MYO1E: variants seen among roughly 807,000 people sequenced by gnomAD.
MYO1E encodes the protein unconventional myosin-Ie.
In MYO1E, 68 loss-of-function variants were observed where a neutral mutation model predicts 151.1. The ratio of observed to expected loss-of-function variants is 0.45; its 90% confidence interval spans 0.37 to 0.55. The LOEUF is 0.55. MYO1E is among the 20% of genes least tolerant of loss of function. The pLI is 0.00. For synonymous variants in MYO1E, 601 were observed against 501.7 expected, an observed-to-expected ratio of 1.20 and a Z score of -2.64; for missense variants, 1,363 against 1,389.3, an observed-to-expected ratio of 0.98 and a Z score of 0.30.
intron 27 of MYO1E, among the ~76,000 whole-genome samples, chr15:59,137,972 G>A (rs142872011): frequency 2.6e-5 from 4 of 152,304 alleles, no homozygotes; most frequent in African/African-American, 9.6e-5. Flanking sequence ...TTGCTACCAT[G>A]AAGAAAAACA....
chr15:59,311,717 C>T (rs150198914), intron 1 of MYO1E, among the ~76,000 whole-genome samples: 3 of 152,232 alleles, frequency 2.0e-5, no homozygotes, highest in Non-Finnish European at 2.9e-5. Context: ...ACTCAATCCC[C>T]AATGCGACAG....
chr15:59,347,820 G>A (rs1420867699), intron 1 of MYO1E, among the ~76,000 whole-genome samples: 3 of 152,002 alleles, frequency 2.0e-5, no homozygotes, highest in East Asian at 1.9e-4. Context: ...AGTAAATTTC[G>A]GGTGACATAA....
At chr15:59,217,841 C>A in intron 10 of MYO1E, 50 bp downstream of exon 10, 2 of 1,600,828 alleles carry the variant, frequency 1.2e-6, no homozygotes, top group Non-Finnish European at 1.7e-6. Flanking sequence ...TAGTTTTACT[C>A]TTTATAGCTA....
chr15:59,253,030 A>G (rs1293292294), intron 4 of MYO1E, among the ~76,000 whole-genome samples: 2 of 152,266 alleles, frequency 1.3e-5, no homozygotes, highest in African/African-American at 4.8e-5. Context: ...TCCAAAGGAC[A>G]TAAGAGCTAA....
chr15:59,149,096 G>A (rs1018252606), intron 26 of MYO1E, among the ~76,000 whole-genome samples: 11 of 132,570 alleles, frequency 8.3e-5, no homozygotes, highest in Non-Finnish European at 7.7e-5. Context: ...TTGCTCTGTC[G>A]CCCAGGCTGG....
At chr15:59,275,794 G>A (rs1410704402) in intron 1 of MYO1E, among the ~76,000 whole-genome samples, 4 of 152,204 alleles carry the variant, frequency 2.6e-5, no homozygotes, top group Non-Finnish European at 4.4e-5. Context: ...CAGCAAAGCT[G>A]GAAACCAAAC....
At chr15:59,207,222 T>G (rs1403335177) in intron 14 of MYO1E, 2 of 1,614,136 alleles carry the variant, frequency 1.2e-6, no homozygotes, top group Non-Finnish European at 1.7e-6. Flanking sequence ...AAGGCTTGAG[T>G]GATGAACTTG....
At chr15:59,366,115 G>A (rs1164971368) in intron 1 of MYO1E, among the ~76,000 whole-genome samples, 4 of 152,018 alleles carry the variant, frequency 2.6e-5, no homozygotes, top group African/African-American at 7.2e-5. Context: ...AAGTAGCTGC[G>A]ATTACAGGCA....
chr15:59,338,529 C>T (rs1464299190), intron 1 of MYO1E, among the ~76,000 whole-genome samples: 5 of 152,144 alleles, frequency 3.3e-5, no homozygotes, highest in African/African-American at 1.2e-4. Context: ...AAACACTCAG[C>T]CAACCCTGCC....
chr15:59,210,594 A>G lies in MYO1E; in HGVS notation c.1282T>C (p.Tyr428His). The change falls in exon 13 of 28, where the codon TAT becomes CAT. Residue 428 changes from tyrosine (Y) to histidine (H), a missense_variant. Tyr to His is a moderately conservative substitution (Grantham distance 83). Transcript: ENST00000288235. ...GTCCATCTTATTCCCTCTTGAACAT[A>G]TTCTTCCTGTAACACAGAGACAAGG... ...ELTLKAEQEE[Y>H]VQEGIRWTPI... 1 of 1,591,666 alleles carries G rather than the reference A, an allele frequency of 6.3e-7. No homozygotes were observed. Among genetic ancestry groups the G allele is most frequent in the Non-Finnish European group, 8.6e-7 (1 of 1,159,472 alleles).
intron 17 of MYO1E, among the ~76,000 whole-genome samples, chr15:59,189,049 G>A (rs1423407956): frequency 6.6e-6 from 1 of 152,146 alleles, no homozygotes; most frequent in African/African-American, 2.4e-5. Flanking sequence ...AGTTTTAGTT[G>A]ATTTCTTCTT....
At chr15:59,296,284 C>T (rs747509051) in intron 1 of MYO1E, among the ~76,000 whole-genome samples, 4 of 152,228 alleles carry the variant, frequency 2.6e-5, no homozygotes, top group Non-Finnish European at 4.4e-5. Flanking sequence ...CTATGCTGGG[C>T]ATCATAAGGA....
chr15:59,273,919 G>A lies in MYO1E; in HGVS notation c.4-1470C>T, dbSNP rs1407797263. Among the ~76,000 whole-genome samples the A allele has an allele frequency of 2.6e-5, 4 of 152,036 alleles. No homozygotes were observed. In the South Asian group the frequency reaches 6.2e-4, roughly 24 times the overall value. On this transcript the variant is annotated intron_variant, in intron 1 of 27. Coordinates refer to ENST00000288235, the MANE Select transcript of MYO1E (RefSeq NM_004998.4). Reference sequence around the variant, plus strand: ...GAAGAAGAGAAAAATTCTAAATAAGGGTATCTAGAAAGGCCAACTGCTCAG... The same window carrying A: ...GAAGAAGAGAAAAATTCTAAATAAGAGTATCTAGAAAGGCCAACTGCTCAG...
intron 1 of MYO1E, among the ~76,000 whole-genome samples, chr15:59,322,339 G>C (rs1217080922): frequency 6.6e-6 from 1 of 152,128 alleles, no homozygotes; most frequent in East Asian, 1.9e-4. Flanking sequence ...AATGTGTTTT[G>C]TGTCACCTTT....
rs534584946 is a variant in MYO1E, at chr15:59,325,034, T to TC, written c.3+47463dup. ...AATTTAAATGAATTCAATTTCCTTTTCTTTTTTTTTTTTATTTCTGGGACA... is the reference window on the plus strand; with the variant it reads ...AATTTAAATGAATTCAATTTCCTTTTCCTTTTTTTTTTTTATTTCTGGGACA... On this transcript the variant is annotated intron_variant, in intron 1 of 27. Coordinates refer to ENST00000288235, the MANE Select transcript of MYO1E (RefSeq NM_004998.4). Among the ~76,000 whole-genome samples the TC allele has an allele frequency of 1.1e-3, 174 of 151,420 alleles. 1 individual carries two copies. The highest frequency in any genetic ancestry group is 8.4e-4 in the Non-Finnish European group (57 of 67,914).
chr15:59,154,217 CAA>C (rs1566965754), intron 25 of MYO1E, among the ~76,000 whole-genome samples: 1 of 152,124 alleles, frequency 6.6e-6, no homozygotes, highest in Admixed American at 6.5e-5. Context: ...GATTATGACT[CAA>C]GAGGGCTGAC....
At chr15:59,211,161 C>T (rs1596367587) in intron 12 of MYO1E, among the ~76,000 whole-genome samples, 1 of 148,966 alleles carries the variant, frequency 6.7e-6, no homozygotes, top group Non-Finnish European at 1.5e-5. Context: ...GATTGTGCCA[C>T]TGCACTTCAG....
rs200841152 is a variant in MYO1E at position 59,207,866 on chromosome 15, C to T, written c.1530+815G>A. On this transcript the variant is annotated intron_variant, in intron 14 of 27. Coordinates refer to ENST00000288235, the MANE Select transcript of MYO1E (RefSeq NM_004998.4). The stretch of plus-strand genomic sequence containing the variant: ...ATTGGCCTATCTGTGGCCGATTTAA[C>T]AGAAAGTATTTTGAAGAATCTTAGG... 32 of 1,614,170 alleles carry T rather than the reference C, an allele frequency of 2.0e-5. No individual in the cohort carries two copies. The highest frequency in any genetic ancestry group is 1.7e-5 in the Non-Finnish European group (20 of 1,180,026).
At chr15:59,198,264 G>C (rs952137716) in intron 16 of MYO1E, among the ~76,000 whole-genome samples, 4 of 152,186 alleles carry the variant, frequency 2.6e-5, no homozygotes, top group Non-Finnish European at 5.9e-5. Context: ...GGACAGAAAA[G>C]TACCAACAGC....
Sources: allele counts gnomAD v4.1 joint callset (sites outside exome capture counted in the v4.1 genomes callset), GRCh38; gene constraint gnomAD v4.1.1; transcripts MANE v1.5; gene names NCBI Gene and HGNC (gene_info 2026-07-23, HGNC 2026-07-21).